Variants in TACR3 observed in about 807,000 individuals in gnomAD.
TACR3 encodes the protein tachykinin receptor 3, also known as neuromedin-K receptor.
Under a neutral mutation model 35.0 loss-of-function variants are expected in TACR3, and 34 were observed. The observed-to-expected ratio is 0.97, with a 90% CI of 0.74 to 1.30. TACR3 has a LOEUF of 1.30. Ranked by LOEUF, TACR3 falls within the 50% of genes most tolerant of loss-of-function variation. TACR3 has a pLI of 0.00. For synonymous variants in TACR3, 233 were observed against 221.1 expected, an observed-to-expected ratio of 1.05 and a Z score of -0.48; for missense variants, 558 against 591.7, an observed-to-expected ratio of 0.94 and a Z score of 0.59.
chr4:103,594,779 C>T (rs1263819337), intron 3 of TACR3, among the ~76,000 whole-genome samples: 1 of 152,134 alleles, frequency 6.6e-6, no homozygotes, highest in Non-Finnish European at 1.5e-5. Context: ...AACTCACATA[C>T]AGAGGGCCTT....
chr4:103,719,208 G>A lies in TACR3; in HGVS notation c.468C>T (p.Asn156=). 2 of 1,614,188 alleles carry A rather than the reference G, an allele frequency of 1.2e-6. No homozygotes were observed. Among genetic ancestry groups the A allele is most frequent in the Non-Finnish European group, 1.7e-6 (2 of 1,180,036 alleles). The change falls in exon 1 of 5, where the codon AAC becomes AAT. Residue 156 remains asparagine, a synonymous_variant. Coordinates refer to ENST00000304883, the MANE Select transcript of TACR3 (RefSeq NM_001059.3). ...GAAAGAAGTTCTGGAAGCGGCAGTA[G>A]TTGGCGCCAAAGTACCACTCGCTAT... The part of the protein sequence containing the change: ...ALHSEWYFGA[N]YCRFQNFFPI...
chr4:103,691,613 C>T (rs1043806012), intron 1 of TACR3, among the ~76,000 whole-genome samples: 1 of 152,072 alleles, frequency 6.6e-6, no homozygotes, highest in Non-Finnish European at 1.5e-5. Context: ...TAAACTGGAC[C>T]CCAAACTGGC....
At chr4:103,629,968 C>A (rs1446201306) in intron 3 of TACR3, among the ~76,000 whole-genome samples, 1 of 151,724 alleles carries the variant, frequency 6.6e-6, no homozygotes, top group African/African-American at 2.4e-5. Context: ...GCCAAAACAG[C>A]ATGGTACTGG....
chr4:103,589,473 T>A lies in TACR3; in HGVS notation c.*209A>T. ...ATTTAGAGTTTTCAAAGAATAAATT[T>A]AAAGCCCATTTTATTTTGGGTGGAG... On this transcript the variant is annotated 3_prime_UTR_variant, in exon 5 of 5. Coordinates refer to ENST00000304883, the MANE Select transcript of TACR3 (RefSeq NM_001059.3). The A allele has an allele frequency of 1.8e-6, 1 of 561,648 alleles. No homozygotes were observed. The highest frequency in any genetic ancestry group is 3.1e-6 in the Non-Finnish European group (1 of 319,928). The allele number at this position is 561,648 out of a possible 1,614,324, so 34.8% of individuals were successfully genotyped here. A position where few individuals can be genotyped will look rare whatever the true frequency, so the allele number is the denominator to read the frequency against.
At chr4:103,680,495 AC>A in intron 1 of TACR3, among the ~76,000 whole-genome samples, 2 of 101,544 alleles carry the variant, frequency 2.0e-5, no homozygotes, top group Admixed American at 2.0e-4. Context: ...ATACATACAT[AC>A]ACACACACAC....
At position 103,597,766 on chromosome 4, in the gene TACR3, T is replaced by C. The variant is rs1724071744; in HGVS notation, c.889-6083A>G. 2.6e-5 allele frequency among the ~76,000 whole-genome samples: 4 copies of C among 152,184 alleles called. No individual in the cohort carries two copies. In the South Asian group the frequency reaches 8.3e-4, roughly 32 times the overall value. On this transcript the variant is annotated intron_variant, in intron 3 of 4. Coordinates refer to ENST00000304883, the MANE Select transcript of TACR3 (RefSeq NM_001059.3). ...TGGTTTCCAGTTTCATCCATGTCCC[T>C]ACAAAGGACATGAACTCATCATAAT...
rs546280439 is a variant in TACR3, at chr4:103,591,213, T to C, written c.1085+274A>G. ...ACTTCTTTTTCTTTGGCAGGTAAAATTCTGAGATTTTGGAGGAAGAAGTTG... is the reference window on the plus strand; with the variant it reads ...ACTTCTTTTTCTTTGGCAGGTAAAACTCTGAGATTTTGGAGGAAGAAGTTG... On this transcript the variant is annotated intron_variant, in intron 4 of 4. Transcript: ENST00000304883. 6.7e-4 allele frequency: 312 copies of C among 463,444 alleles called. 1 individual carries two copies. The highest frequency in any genetic ancestry group is 5.5e-3 in the African/African-American group (283 of 51,014). 28.7% of individuals were successfully genotyped at this position (463,444 alleles called of 1,614,324 possible).
In TACR3 at chr4:103,704,595, A is replaced by G. The variant is rs910386522; in HGVS notation, c.548+14533T>C. 1.4e-4 allele frequency among the ~76,000 whole-genome samples: 21 copies of G among 152,304 alleles called. 1 individual carries two copies. The highest frequency in any genetic ancestry group is 5.1e-4 in the African/African-American group (21 of 41,570). On this transcript the variant is annotated intron_variant, in intron 1 of 4. Coordinates refer to ENST00000304883, the MANE Select transcript of TACR3 (RefSeq NM_001059.3). ...CTGTTTTATAAAATCATCAGATCCCACGAGAACTCACTCACTATAGTAAGA... is the reference window on the plus strand; with the variant it reads ...CTGTTTTATAAAATCATCAGATCCCGCGAGAACTCACTCACTATAGTAAGA...
chr4:103,650,074 G>A (rs1725554972), intron 3 of TACR3, among the ~76,000 whole-genome samples: 1 of 152,056 alleles, frequency 6.6e-6, no homozygotes, highest in South Asian at 2.1e-4. Context: ...GTAAGGCTGT[G>A]GTTCTTGCAG....
At chr4:103,686,802 A>C (rs1310825707) in intron 1 of TACR3, among the ~76,000 whole-genome samples, 1 of 152,150 alleles carries the variant, frequency 6.6e-6, no homozygotes, top group Admixed American at 6.6e-5. Context: ...TTCACAGCCA[A>C]ATTCTACCAG....
At chr4:103,617,042 A>G (rs1404694278) in intron 3 of TACR3, among the ~76,000 whole-genome samples, 1 of 152,230 alleles carries the variant, frequency 6.6e-6, no homozygotes, top group Non-Finnish European at 1.5e-5. Context: ...AGGAGAAAGC[A>G]TAGAATTTTT....
intron 1 of TACR3, among the ~76,000 whole-genome samples, chr4:103,660,547 CA>C (rs1725819788): frequency 6.6e-6 from 1 of 151,702 alleles, no homozygotes; most frequent in Non-Finnish European, 1.5e-5. Flanking sequence ...CACACACACA[CA>C]ACAAATACAC....
At chr4:103,642,790 A>G (rs1725383769) in intron 3 of TACR3, among the ~76,000 whole-genome samples, 2 of 151,842 alleles carry the variant, frequency 1.3e-5, no homozygotes, top group African/African-American at 4.8e-5. Flanking sequence ...AATTTATTGC[A>G]TATTTTAAAA....
intron 1 of TACR3, among the ~76,000 whole-genome samples, chr4:103,706,613 T>TA (rs1225467353): frequency 2.0e-5 from 3 of 152,022 alleles, no homozygotes; most frequent in Admixed American, 2.0e-4. Context: ...AAAGTACATA[T>TA]AATAAAAAAC....
chr4:103,589,466 ATAAATT>A lies in TACR3; in HGVS notation c.*210_*215del, dbSNP rs1290329038. ...TATAATAATTTAGAGTTTTCAAAGA[ATAAATT>A]TAAAGCCCATTTTATTTTGGGTGGA... is the stretch of plus-strand genomic sequence containing the variant. On this transcript the variant is annotated 3_prime_UTR_variant, in exon 5 of 5. Coordinates refer to ENST00000304883, the MANE Select transcript of TACR3 (RefSeq NM_001059.3). 1 of 546,374 alleles carries A rather than the reference ATAAATT, an allele frequency of 1.8e-6. No homozygotes were observed. The highest frequency in any genetic ancestry group is 3.2e-6 in the Non-Finnish European group (1 of 309,900). The allele number at this position is 546,374 out of a possible 1,614,324, so 33.8% of individuals were successfully genotyped here. A position where few individuals can be genotyped will look rare whatever the true frequency, so the allele number is the denominator to read the frequency against.
intron 1 of TACR3, among the ~76,000 whole-genome samples, chr4:103,691,261 G>A (rs907752585): frequency 6.6e-6 from 1 of 152,142 alleles, no homozygotes; most frequent in African/African-American, 2.4e-5. Context: ...AATACCCTCA[G>A]GGATAGAAAG....
At chr4:103,710,465 C>G (rs754530886) in intron 1 of TACR3, among the ~76,000 whole-genome samples, 72 of 151,544 alleles carry the variant, frequency 4.8e-4, no homozygotes, top group Non-Finnish European at 9.0e-4. Flanking sequence ...CACAACATAC[C>G]AGAATCTCTG....
chr4:103,663,774 T>C (rs760544843), intron 1 of TACR3, among the ~76,000 whole-genome samples: 7 of 152,226 alleles, frequency 4.6e-5, no homozygotes, highest in Non-Finnish European at 5.9e-5. Flanking sequence ...ATTTTCTATT[T>C]TGTAACTTTC....
intron 1 of TACR3, among the ~76,000 whole-genome samples, chr4:103,698,659 A>ATAAG (rs1448215950): frequency 6.6e-6 from 1 of 152,108 alleles, no homozygotes; most frequent in Non-Finnish European, 1.5e-5. Flanking sequence ...GTTCTTACTC[A>ATAAG]TAAGTGAGAA....
Sources: gnomAD v4.1 joint callset for allele counts (sites outside exome capture counted in the v4.1 genomes callset) on GRCh38, gnomAD v4.1.1 for gene constraint, MANE v1.5 for transcripts, NCBI Gene and HGNC (gene_info 2026-07-23, HGNC 2026-07-21) for gene names.